The following GAS2L1 variants were observed in gnomAD, a reference collection of about 807,000 sequenced individuals.
GAS2L1 encodes the protein GAS2-like protein 1.
GAS2L1 carries 26 observed loss-of-function variants against 44.0 expected under a neutral mutation model. That is an observed-to-expected ratio of 0.59 (90% confidence interval 0.43 to 0.82). GAS2L1 has a LOEUF of 0.82. Among genes scored for constraint, GAS2L1 ranks in the 40% least tolerant of loss-of-function variants. GAS2L1 has a pLI of 0.00. For missense variants in GAS2L1, 1,006 were observed against 983.0 expected (o/e 1.02, Z -0.31); for synonymous variants, 426 against 415.9 (o/e 1.02, Z -0.30).
chr22:29,312,205 G>A (rs1032845727), exon 5 of GAS2L1: 2 of 1,613,052 alleles, frequency 1.2e-6, no homozygotes, highest in East Asian at 4.5e-5. Context: ...GACTCTGGCC[G>A]GACGGCCAAT....
upstream of GAS2L1, chr22:29,306,664 C>A (rs1894414): frequency 0.84 from 127,358 of 152,242 alleles, 53,499 homozygotes; most frequent in East Asian, 0.96. Context: ...TCGCTTCCTG[C>A]CTTCATCTTG....
At chr22:29,312,382 C>T (rs377634717) in exon 5 of GAS2L1, 5 of 1,594,570 alleles carry the variant, frequency 3.1e-6, no homozygotes, top group Non-Finnish European at 3.4e-6. Flanking sequence ...GACCGTAAAC[C>T]CTCACGTATC....
exon 1 of GAS2L1, chr22:29,308,265 A>T (rs200635370): frequency 6.2e-7 from 1 of 1,608,950 alleles, no homozygotes; most frequent in Non-Finnish European, 8.5e-7. Context: ...TGGCTTCCTG[A>T]CAGGGCTGGC....
exon 1 of GAS2L1, chr22:29,308,144 C>T (rs2061366679): frequency 6.3e-7 from 1 of 1,577,522 alleles, no homozygotes; most frequent in Non-Finnish European, 8.6e-7. Flanking sequence ...GCTCGGCGGC[C>T]AAGAGCGTGC....
rs1491098553 is a variant in GAS2L1, at chr22:29,310,259, A to AT, written c.634-180_634-179insT. 4.0e-4 allele frequency: 133 copies of AT among 328,554 alleles called. 1 individual carries two copies. Among genetic ancestry groups the AT allele is most frequent in the Middle Eastern group, 7.9e-4 (1 of 1,264 alleles). 20.4% of individuals were successfully genotyped at this position (328,554 alleles called of 1,614,324 possible). A position where few individuals can be genotyped will look rare whatever the true frequency, so the allele number is the denominator to read the frequency against. ...CTCCAACTCAAAAAAAAAAAAAAATAAAAAAAAATAAAAAAAATAAAAGAA... is the reference window on the plus strand; with the variant it reads ...CTCCAACTCAAAAAAAAAAAAAAATATAAAAAAAATAAAAAAAATAAAAGAA... On this transcript the variant is annotated intron_variant, in intron 1 of 4. Coordinates refer to ENST00000618518, the Ensembl canonical transcript of GAS2L1.
chr22:29,307,944 G>A, exon 1 of GAS2L1: 2 of 494,060 alleles, frequency 4.0e-6, no homozygotes, highest in East Asian at 3.3e-5. Flanking sequence ...GAGGAAACTT[G>A]GGGCACCGAC....
At chr22:29,310,718 C>T (rs763312902) in exon 3 of GAS2L1, 17 of 1,608,860 alleles carry the variant, frequency 1.1e-5, no homozygotes, top group Non-Finnish European at 1.4e-5. Context: ...ACGACCCGTG[C>T]CGCTGCTCCT....
chr22:29,308,700 C>T, exon 1 of GAS2L1: 2 of 1,501,688 alleles, frequency 1.3e-6, no homozygotes, highest in Non-Finnish European at 1.8e-6. Flanking sequence ...CCGCGGCCCC[C>T]GCATGACACC....
chr22:29,311,859 A>C, exon 5 of GAS2L1: 2 of 1,595,056 alleles, frequency 1.3e-6, no homozygotes, highest in Non-Finnish European at 1.7e-6. Context: ...CTCGGGCAGG[A>C]GCACCCCCCA....
chr22:29,311,742 G>C (rs546465604), exon 5 of GAS2L1: 1 of 1,533,590 alleles, frequency 6.5e-7, no homozygotes, highest in African/African-American at 1.4e-5. Flanking sequence ...CCCCAGCCCT[G>C]CCCGGCGGGC....
chr22:29,311,598 C>G, exon 5 of GAS2L1: 1 of 1,539,888 alleles, frequency 6.5e-7, no homozygotes, highest in Non-Finnish European at 8.7e-7. Context: ...GAGGGAGCGA[C>G]CCAGCCGGCG....
exon 5 of GAS2L1, chr22:29,312,097 G>C (rs1025877713): frequency 2.5e-6 from 4 of 1,612,856 alleles, no homozygotes; most frequent in South Asian, 1.1e-5. Flanking sequence ...GACCCAGCTC[G>C]GGCCCCCGAC....
chr22:29,311,120 G>C (rs2061400731), intron 4 of GAS2L1, 122 bp downstream of exon 5: 1 of 970,174 alleles, frequency 1.0e-6, no homozygotes, highest in Admixed American at 2.8e-5. Flanking sequence ...TCCCGTGGGT[G>C]GGGGCGGGCC....
At chr22:29,308,863 A>G in intron 1 of GAS2L1, 125 bp downstream of exon 2, 1 of 732,722 alleles carries the variant, frequency 1.4e-6, no homozygotes, top group Non-Finnish European at 2.0e-6. Context: ...AAGAGTGCAC[A>G]TGTTGAGCAC....
exon 5 of GAS2L1, chr22:29,312,665 G>A: frequency 2.2e-6 from 1 of 455,744 alleles, no homozygotes; most frequent in Non-Finnish European, 3.8e-6. Context: ...TTCCGGTTGG[G>A]GGATGAGCGT....
chr22:29,311,838 G>A (rs112302060), exon 5 of GAS2L1: 81,020 of 1,592,574 alleles, frequency 0.051, 2,428 homozygotes, highest in Non-Finnish European at 0.061. Context: ...AAGGGGCAGG[G>A]GCAGTGGGGG....
At chr22:29,308,116 C>T in exon 1 of GAS2L1, 1 of 1,557,954 alleles carries the variant, frequency 6.4e-7, no homozygotes, top group Non-Finnish European at 8.7e-7. Flanking sequence ...ATGGCAGACC[C>T]AGTGGCGGGC....
chr22:29,312,109 C>G (rs1450332603), exon 5 of GAS2L1: 7 of 1,612,758 alleles, frequency 4.3e-6, no homozygotes, highest in Non-Finnish European at 5.9e-6. Flanking sequence ...GCCCCCGACC[C>G]TCCAGCTCCT....
intron 1 of GAS2L1, 53 bp from the exon 3 acceptor site, chr22:29,310,386 G>T (rs2061390422): frequency 1.0e-6 from 1 of 979,632 alleles, no homozygotes; most frequent in Non-Finnish European, 1.6e-6. Flanking sequence ...CTGACATTAA[G>T]CCCCAGGAGG....
Sources: allele counts gnomAD v4.1 joint callset, GRCh38; gene constraint gnomAD v4.1.1; transcripts MANE v1.5; gene names NCBI Gene and HGNC (gene_info 2026-07-23, HGNC 2026-07-21).